The following AP3S1 variants were observed in gnomAD, a reference collection of about 807,000 sequenced individuals.
The protein encoded by AP3S1 is AP-3 complex subunit sigma-1.
A neutral mutation model predicts 21.3 loss-of-function variants in AP3S1; 12 were observed. That is an observed-to-expected ratio of 0.56 (90% CI 0.36 to 0.91). AP3S1 has a LOEUF of 0.91. Ranked by LOEUF, AP3S1 falls within the 40% of genes least tolerant of loss-of-function variation. The probability of loss-of-function intolerance (pLI) is 0.01; values close to 1 mark genes in which losing one functional copy is unlikely to be tolerated. For synonymous variants in AP3S1, 48 were observed against 78.4 expected, an observed-to-expected ratio of 0.61 and a Z score of 2.05; for missense variants, 116 against 225.0, an observed-to-expected ratio of 0.52 and a Z score of 3.10.
intron 3 of AP3S1, among the ~76,000 whole-genome samples, chr5:115,883,721 C>A (rs546188988): frequency 3.9e-5 from 6 of 152,288 alleles, no homozygotes; most frequent in Admixed American, 3.3e-4. Context: ...ATCAATCATA[C>A]CATATTCAAC....
At chr5:115,868,099 G>T (rs1747857720) in intron 2 of AP3S1, among the ~76,000 whole-genome samples, 1 of 152,058 alleles carries the variant, frequency 6.6e-6, no homozygotes, top group African/African-American at 2.4e-5. Flanking sequence ...GGTTTTATAT[G>T]ATGTATTACA....
intron 3 of AP3S1, among the ~76,000 whole-genome samples, chr5:115,893,073 G>A (rs1750453979): frequency 6.6e-6 from 1 of 152,186 alleles, no homozygotes. Context: ...AAATTGCTAT[G>A]TCCTGCTAAT....
At chr5:115,884,677 T>C (rs2112882842) in intron 3 of AP3S1, among the ~76,000 whole-genome samples, 1 of 152,386 alleles carries the variant, frequency 6.6e-6, no homozygotes, top group Admixed American at 6.5e-5. Context: ...CCACATTTTT[T>C]AAGGCTTAAG....
At chr5:115,885,163 G>C (rs947664754) in intron 3 of AP3S1, among the ~76,000 whole-genome samples, 1 of 152,076 alleles carries the variant, frequency 6.6e-6, no homozygotes, top group Admixed American at 6.5e-5. Context: ...CTTTCCATTT[G>C]TATTAGTCAG....
chr5:115,911,295 A>G (rs969912026), intron 5 of AP3S1, among the ~76,000 whole-genome samples: 7 of 152,150 alleles, frequency 4.6e-5, no homozygotes, highest in African/African-American at 1.7e-4. Context: ...TTTACTATTT[A>G]TAAGTGTAAA....
chr5:115,861,957 C>G (rs1475068016), intron 1 of AP3S1, among the ~76,000 whole-genome samples: 1 of 148,932 alleles, frequency 6.7e-6, no homozygotes, highest in African/African-American at 2.5e-5. Context: ...CCTTCAGCCT[C>G]CCAAAGTGCT....
Position 115,866,816 on chromosome 5 carries a change from A to G in AP3S1, c.161+55A>G, listed in dbSNP as rs1041786877. The stretch of plus-strand genomic sequence containing the variant: ...AGTTTTGACTATGTGATTAAAATAT[A>G]TACTGTTTAATCAGTTTATGGTAAA... On this transcript the variant is annotated intron_variant, in intron 2 of 5. Transcript: ENST00000316788. 5 of 1,211,648 alleles carry G rather than the reference A, an allele frequency of 4.1e-6. No homozygotes were observed. The African/African-American group carries it at 6.2e-5, about 15-fold the overall frequency. The allele number at this position is 1,211,648 out of a possible 1,614,324, so 75.1% of individuals were successfully genotyped here. A position where few individuals can be genotyped will look rare whatever the true frequency, so the allele number is the denominator to read the frequency against.
chr5:115,888,136 A>G (rs1385251515), intron 3 of AP3S1, among the ~76,000 whole-genome samples: 1 of 152,100 alleles, frequency 6.6e-6, no homozygotes, highest in East Asian at 1.9e-4. Flanking sequence ...GCACCTGAGT[A>G]GCTACTCAGT....
At chr5:115,910,668 T>C (rs1345912964) in intron 5 of AP3S1, among the ~76,000 whole-genome samples, 1 of 152,210 alleles carries the variant, frequency 6.6e-6, no homozygotes, top group Non-Finnish European at 1.5e-5. Context: ...TTTATAGCCA[T>C]TCTGGTGTTG....
At chr5:115,849,126 A>G (rs896645762) in intron 1 of AP3S1, among the ~76,000 whole-genome samples, 7 of 152,180 alleles carry the variant, frequency 4.6e-5, no homozygotes, top group African/African-American at 1.7e-4. Context: ...GCCCTATTCT[A>G]AGCACTAGTA....
At chr5:115,866,889 A>T in intron 2 of AP3S1, 128 bp downstream of exon 2, 1 of 441,570 alleles carries the variant, frequency 2.3e-6, no homozygotes, top group Non-Finnish European at 3.9e-6. Flanking sequence ...ATTGCCACCT[A>T]TGTTAGCTAT....
At chr5:115,898,059 C>G (rs959235285) in intron 4 of AP3S1, among the ~76,000 whole-genome samples, 1 of 152,146 alleles carries the variant, frequency 6.6e-6, no homozygotes, top group African/African-American at 2.4e-5. Flanking sequence ...GGGTTATTTC[C>G]CATTCACGCA....
At chr5:115,891,118 A>G (rs1437139847) in intron 3 of AP3S1, among the ~76,000 whole-genome samples, 1 of 152,190 alleles carries the variant, frequency 6.6e-6, no homozygotes, top group Non-Finnish European at 1.5e-5. Context: ...CAGGGCCTTG[A>G]GGAGAAATAG....
chr5:115,864,951 A>G (rs1763499094), intron 1 of AP3S1, among the ~76,000 whole-genome samples: 1 of 152,196 alleles, frequency 6.6e-6, no homozygotes, highest in African/African-American at 2.4e-5. Context: ...ACCCTTCTGT[A>G]ATATGATGCT....
At chr5:115,873,721 A>C (rs1748471759) in intron 3 of AP3S1, among the ~76,000 whole-genome samples, 1 of 152,168 alleles carries the variant, frequency 6.6e-6, no homozygotes, top group Non-Finnish European at 1.5e-5. Flanking sequence ...CTATTCAGAG[A>C]GAACTGATTT....
intron 1 of AP3S1, among the ~76,000 whole-genome samples, chr5:115,866,214 C>T (rs1363123942): frequency 6.6e-6 from 1 of 152,170 alleles, no homozygotes; most frequent in Non-Finnish European, 1.5e-5. Context: ...TGGACTCTTA[C>T]CTCAGTCTAT....
chr5:115,856,561 C>T (rs895176410), intron 1 of AP3S1, among the ~76,000 whole-genome samples: 1 of 152,004 alleles, frequency 6.6e-6, no homozygotes, highest in African/African-American at 2.4e-5. Flanking sequence ...GCTCAAGGGC[C>T]TCAAGGGATA....
At chr5:115,843,532 C>T (rs867390031) in intron 1 of AP3S1, among the ~76,000 whole-genome samples, 6 of 152,158 alleles carry the variant, frequency 3.9e-5, no homozygotes, top group Non-Finnish European at 5.9e-5. Flanking sequence ...AGTTGATCCT[C>T]CCGAATGGGA....
At chr5:115,846,707 G>A (rs965806272) in intron 1 of AP3S1, among the ~76,000 whole-genome samples, 6 of 151,536 alleles carry the variant, frequency 4.0e-5, no homozygotes, top group Non-Finnish European at 7.4e-5. Context: ...GTGGCAGATG[G>A]GATAATTAAA....
Sources: gnomAD v4.1 joint callset for allele counts (sites outside exome capture counted in the v4.1 genomes callset) on GRCh38, gnomAD v4.1.1 for gene constraint, MANE v1.5 for transcripts, NCBI Gene and HGNC (gene_info 2026-07-23, HGNC 2026-07-21) for gene names.